TAFA1: variants seen among roughly 807,000 people sequenced by gnomAD.
TAFA1 encodes chemokine-like protein TAFA-1.
Under a neutral mutation model 18.5 loss-of-function variants are expected in TAFA1, and 4 were observed. That is an observed-to-expected ratio of 0.22 (90% CI 0.11 to 0.49). The LOEUF (loss-of-function observed/expected upper bound fraction) is 0.49, where lower values mean the gene tolerates loss of function less well. Ranked by LOEUF, TAFA1 falls within the 20% of genes least tolerant of loss-of-function variation. TAFA1 has a pLI of 0.98. For missense variants in TAFA1, 147 were observed against 169.0 expected (o/e 0.87, Z 0.72); for synonymous variants, 56 against 55.2 (o/e 1.01, Z -0.06).
chr3:68,058,679 A>G (rs1016416086), intron 2 of TAFA1, among the ~76,000 whole-genome samples: 3 of 152,238 alleles, frequency 2.0e-5, no homozygotes, highest in African/African-American at 7.2e-5. Flanking sequence ...ACACAAAGCC[A>G]CACACATTTA....
At chr3:68,416,791 G>A (rs746853160) in intron 2 of TAFA1, among the ~76,000 whole-genome samples, 4 of 152,078 alleles carry the variant, frequency 2.6e-5, no homozygotes, top group Non-Finnish European at 4.4e-5. Flanking sequence ...AATATGTCCC[G>A]AATAGATTTT....
intron 2 of TAFA1, among the ~76,000 whole-genome samples, chr3:68,335,131 A>T (rs936022077): frequency 6.6e-6 from 1 of 152,188 alleles, no homozygotes; most frequent in Non-Finnish European, 1.5e-5. Flanking sequence ...CTTTTGTTAC[A>T]TGCCTTTTAT....
At chr3:68,421,333 T>G (rs561848246) in intron 3 of TAFA1, among the ~76,000 whole-genome samples, 1 of 152,298 alleles carries the variant, frequency 6.6e-6, no homozygotes, top group African/African-American at 2.4e-5. Context: ...TTTATATTTT[T>G]GGTAACATTC....
chr3:68,004,482 T>C lies in TAFA1; in HGVS notation c.-224T>C, dbSNP rs1704323746. 2 of 152,178 alleles carry C rather than the reference T, an allele frequency of 1.3e-5. No individual in the cohort carries two copies. Among genetic ancestry groups the C allele is most frequent in the South Asian group, 4.1e-4 (2 of 4,830 alleles). The allele number at this position is 152,178 out of a possible 1,614,324, so 9.4% of individuals were successfully genotyped here. A position where few individuals can be genotyped will look rare whatever the true frequency, so the allele number is the denominator to read the frequency against. ...TTCCACCCCTCAAACCTTGGCTCCT[T>C]TTCTGACAATACAGTCTGAATGAAC... On this transcript the variant is annotated 5_prime_UTR_variant, in exon 1 of 5. Coordinates refer to ENST00000478136, the MANE Select transcript of TAFA1 (RefSeq NM_213609.4).
At chr3:68,109,418 ACTT>A (rs913009130) in intron 2 of TAFA1, among the ~76,000 whole-genome samples, 125 of 152,272 alleles carry the variant, frequency 8.2e-4, no homozygotes, top group African/African-American at 2.9e-3. Context: ...TTTCAGGCAT[ACTT>A]CTTTAAATTG....
intron 2 of TAFA1, among the ~76,000 whole-genome samples, chr3:68,104,846 C>T (rs1314171251): frequency 6.6e-6 from 1 of 152,090 alleles, no homozygotes; most frequent in East Asian, 1.9e-4. Context: ...GACCCCTCCT[C>T]TAAACTATGT....
intron 3 of TAFA1, among the ~76,000 whole-genome samples, chr3:68,457,535 T>C (rs2071687636): frequency 6.6e-6 from 1 of 152,188 alleles, no homozygotes; most frequent in Non-Finnish European, 1.5e-5. Flanking sequence ...TTCATGTTGC[T>C]CAAGGGCCAA....
chr3:68,136,445 G>A (rs898584976), intron 2 of TAFA1, among the ~76,000 whole-genome samples: 5 of 152,164 alleles, frequency 3.3e-5, no homozygotes, highest in Non-Finnish European at 4.4e-5. Flanking sequence ...CAGAAATGTG[G>A]TTGTATTTAT....
chr3:68,382,592 A>G (rs937455876), intron 2 of TAFA1, among the ~76,000 whole-genome samples: 6 of 152,034 alleles, frequency 3.9e-5, no homozygotes, highest in African/African-American at 1.4e-4. Context: ...CTGTTTTTGT[A>G]GTAGTACCAT....
intron 2 of TAFA1, among the ~76,000 whole-genome samples, chr3:68,076,832 A>T (rs112752893): frequency 0.081 from 12,258 of 151,900 alleles, 187 homozygotes; most frequent in Admixed American, 0.16. Context: ...CAGTAATGGG[A>T]TGGCTGGGTC....
chr3:68,372,820 G>T (rs1401732559), intron 2 of TAFA1, among the ~76,000 whole-genome samples: 1 of 152,108 alleles, frequency 6.6e-6, no homozygotes, highest in Non-Finnish European at 1.5e-5. Flanking sequence ...AAAAAAAAGT[G>T]AAAGCCACTA....
At chr3:68,167,325 C>T (rs1428428772) in intron 2 of TAFA1, among the ~76,000 whole-genome samples, 1 of 152,202 alleles carries the variant, frequency 6.6e-6, no homozygotes, top group East Asian at 1.9e-4. Context: ...CGCCTGTAAT[C>T]CCAGCACTTT....
chr3:68,294,982 G>C (rs2068182493), intron 2 of TAFA1, among the ~76,000 whole-genome samples: 1 of 152,174 alleles, frequency 6.6e-6, no homozygotes, highest in African/African-American at 2.4e-5. Flanking sequence ...GGTTCACAGG[G>C]AAGAATCTGA....
intron 2 of TAFA1, among the ~76,000 whole-genome samples, chr3:68,166,687 G>C (rs1421401733): frequency 1.3e-5 from 2 of 152,142 alleles, no homozygotes; most frequent in Non-Finnish European, 2.9e-5. Context: ...TAATGGGAGA[G>C]CACCCCTCCC....
intron 3 of TAFA1, among the ~76,000 whole-genome samples, chr3:68,489,919 C>T (rs953749739): frequency 6.6e-6 from 1 of 152,084 alleles, no homozygotes; most frequent in Non-Finnish European, 1.5e-5. Context: ...GCTGGATGAG[C>T]CATCTTTTTT....
chr3:68,482,222 G>C (rs534980172), intron 3 of TAFA1, among the ~76,000 whole-genome samples: 3 of 152,306 alleles, frequency 2.0e-5, no homozygotes, highest in South Asian at 2.1e-4. Flanking sequence ...GTTTTAGCCA[G>C]GATGGTTTCG....
intron 2 of TAFA1, among the ~76,000 whole-genome samples, chr3:68,137,150 T>C (rs2065617552): frequency 6.6e-6 from 1 of 152,104 alleles, no homozygotes; most frequent in Admixed American, 6.5e-5. Context: ...TGTCATGGAA[T>C]AAGTTAAGAG....
At chr3:68,495,050 C>A (rs986007865) in intron 3 of TAFA1, among the ~76,000 whole-genome samples, 3 of 152,020 alleles carry the variant, frequency 2.0e-5, no homozygotes, top group Admixed American at 1.3e-4. Context: ...GCTCTATTAA[C>A]TGACCTCTAA....
At chr3:68,525,804 A>G (rs1261229789) in intron 3 of TAFA1, among the ~76,000 whole-genome samples, 2 of 152,000 alleles carry the variant, frequency 1.3e-5, no homozygotes, top group African/African-American at 4.8e-5. Context: ...TCCCCTAGAG[A>G]CTGCAAGAGC....
Sources: allele counts gnomAD v4.1 joint callset (sites outside exome capture counted in the v4.1 genomes callset), GRCh38; gene constraint gnomAD v4.1.1; transcripts MANE v1.5; gene names NCBI Gene and HGNC (gene_info 2026-07-23, HGNC 2026-07-21).